The following ZNF503 variants were observed in gnomAD, a reference collection of about 807,000 sequenced individuals.
ZNF503 encodes NocA-like zinc finger 2.
In ZNF503, 15 loss-of-function variants were observed where a neutral mutation model predicts 34.4. That is an observed-to-expected ratio of 0.44 (90% CI 0.29 to 0.67). The LOEUF (loss-of-function observed/expected upper bound fraction) is 0.67. Among genes scored for constraint, ZNF503 ranks in the 30% least tolerant of loss-of-function variants. The pLI is 0.13. For missense variants in ZNF503, 1,007 were observed against 926.8 expected (o/e 1.09, Z -1.12); for synonymous variants, 580 against 456.8 (o/e 1.27, Z -3.44).
At chr10:75,358,466 A>C in the ZNF503 span, 1 of 152,208 alleles carries the variant, frequency 6.6e-6, no homozygotes, top group African/African-American at 2.4e-5. Context: ...GTGTATGTAC[A>C]TACAACACTT....
chr10:75,319,218 T>A, the ZNF503 span, among the ~76,000 whole-genome samples: 3 of 152,148 alleles, frequency 2.0e-5, no homozygotes, highest in Non-Finnish European at 4.4e-5. Context: ...CCTCCCAAAG[T>A]GCTGGGATTA....
chr10:75,382,460 G>A, the ZNF503 span: 3 of 564,372 alleles, frequency 5.3e-6, no homozygotes, highest in South Asian at 1.6e-5. Flanking sequence ...CTCTCTGGCT[G>A]TGTGTCCCCA....
the ZNF503 span, among the ~76,000 whole-genome samples, chr10:75,305,175 C>T: frequency 3.3e-5 from 5 of 152,018 alleles, no homozygotes; most frequent in African/African-American, 9.7e-5. Context: ...CTAAAGGTAG[C>T]GAATGATGTC....
the ZNF503 span, among the ~76,000 whole-genome samples, chr10:75,288,845 T>G: frequency 0.025 from 3,860 of 152,314 alleles, 149 homozygotes; most frequent in African/African-American, 0.086. Flanking sequence ...CTGCATGTGT[T>G]AATTTCCCCT....
chr10:75,400,936 T>C, intron 1 of ZNF503, 169 bp downstream of exon 1: 1 of 998,430 alleles, frequency 1.0e-6, no homozygotes, highest in Non-Finnish European at 1.5e-6. Flanking sequence ...TTCCACTTCC[T>C]CCCCCTTTTC....
At position 75,399,729 on chromosome 10, in the gene ZNF503, A is replaced by G. The variant is rs1157495158; in HGVS notation, c.961T>C (p.Ser321Pro). Residue 321 changes from serine (S) to proline (P), a missense_variant, in exon 2 of 2, where the codon TCC (serine) becomes CCC (proline). Ser to Pro is a moderately conservative substitution (Grantham distance 74, BLOSUM62 -1). Transcript: ENST00000372524. ...CGGSSGSSSG[S>P]GPSAPTSSSV... is the part of the protein sequence containing the mutation. Reference sequence around the variant, plus strand: ...GAGGAGGTGGGCGCGCTGGGGCCGGAGCCGGAGCTGGAGCCCGATGAACCG... The same window carrying G: ...GAGGAGGTGGGCGCGCTGGGGCCGGGGCCGGAGCTGGAGCCCGATGAACCG... The G allele has an allele frequency of 2.5e-6, 4 of 1,595,834 alleles. No individual in the cohort carries two copies. In the African/African-American group the frequency reaches 4.0e-5, roughly 16 times the overall value.
Position 75,399,180 on chromosome 10 carries a change from C to A in ZNF503, c.1510G>T (p.Gly504Cys). The change falls in exon 2 of 2, where the codon GGC (glycine) becomes TGC (cysteine). Residue 504 changes from glycine (G) to cysteine (C), a missense_variant. By Grantham distance (159) the Gly-to-Cys change is radical (BLOSUM62 -3). Transcript: ENST00000372524. ...SLAGHPLYPY[G>C]FMLPNDPLPH... ...AGTGGGTCGTTAGGGAGCATAAAGC[C>A]GTAGGGGTAGAGGGGGTGGCCGGCC... The A allele has an allele frequency of 6.2e-7, 1 of 1,609,754 alleles. No individual in the cohort carries two copies.
chr10:75,321,451 CAGA>C, the ZNF503 span, among the ~76,000 whole-genome samples: 1 of 152,124 alleles, frequency 6.6e-6, no homozygotes, highest in African/African-American at 2.4e-5. Flanking sequence ...TTGGAAGTCT[CAGA>C]AGGAGAAAGG....
chr10:75,330,300 T>G, the ZNF503 span, among the ~76,000 whole-genome samples: 2 of 152,216 alleles, frequency 1.3e-5, no homozygotes, highest in South Asian at 4.1e-4. Flanking sequence ...ATCAGGGAGA[T>G]TGGCTGAGAG....
the ZNF503 span, among the ~76,000 whole-genome samples, chr10:75,318,656 A>T: frequency 7.4e-6 from 1 of 135,866 alleles, no homozygotes; most frequent in East Asian, 2.2e-4. Context: ...GTGACACAGC[A>T]AGATCCTGTC....
chr10:75,401,438 GGA>G lies in ZNF503; in HGVS notation c.-21_-20del. 1 of 1,527,870 alleles carries G rather than the reference GGA, an allele frequency of 6.5e-7. No homozygotes were observed. The allele number at this position is 1,527,870 out of a possible 1,614,324, so 94.6% of individuals were successfully genotyped here. A position where few individuals can be genotyped will look rare whatever the true frequency, so the allele number is the denominator to read the frequency against. On this transcript the variant is annotated 5_prime_UTR_variant, in exon 1 of 2. Coordinates refer to ENST00000372524, the MANE Select transcript of ZNF503 (RefSeq NM_032772.6). ...TGCTCATGACCCACCCGCGCGCATG[GGA>G]GCAGCGGGGGGGAGGGCTCCGGGAG... is the stretch of plus-strand genomic sequence containing the variant.
chr10:75,393,753 G>T (rs1486418059), downstream of ZNF503, among the ~76,000 whole-genome samples: 3 of 152,050 alleles, frequency 2.0e-5, no homozygotes, highest in African/African-American at 7.2e-5. Flanking sequence ...TAGCTACTCA[G>T]GAGACTGAGG....
chr10:75,400,232 C>T lies in ZNF503; in HGVS notation c.458G>A (p.Gly153Asp). The T allele has an allele frequency of 1.2e-6, 2 of 1,610,450 alleles. No homozygotes were observed. Among genetic ancestry groups the T allele is most frequent in the Non-Finnish European group, 1.7e-6 (2 of 1,179,046 alleles). Residue 153 changes from glycine to aspartate, a missense_variant, in exon 2 of 2, where the codon GGC (glycine) becomes GAC (aspartate). By Grantham distance (94) the Gly-to-Asp change is moderately conservative. Coordinates refer to ENST00000372524, the MANE Select transcript of ZNF503 (RefSeq NM_032772.6). ...GGGGCCCGATTTGGTGTCCTTGTCG[C>T]CCGCAGCACCGCCGCCGGCACCGCC... ...GAGGAGGGAA[G>D]DKDTKSGPLK... is the part of the protein sequence containing the mutation.
chr10:75,369,649 C>T, the ZNF503 span, among the ~76,000 whole-genome samples: 5 of 152,202 alleles, frequency 3.3e-5, no homozygotes, highest in African/African-American at 1.2e-4. Flanking sequence ...CAGACAATTA[C>T]ACTTTTAGAT....
At chr10:75,302,864 T>C in the ZNF503 span, among the ~76,000 whole-genome samples, 1 of 152,142 alleles carries the variant, frequency 6.6e-6, no homozygotes, top group East Asian at 1.9e-4. Context: ...GGAGCTGGGG[T>C]TAGGGACATG....
the ZNF503 span, among the ~76,000 whole-genome samples, chr10:75,354,561 A>G: frequency 1.3e-5 from 2 of 152,066 alleles, no homozygotes; most frequent in South Asian, 2.1e-4. Context: ...AAATAAAAAA[A>G]AAAATTGGCT....
chr10:75,281,349 G>A, the ZNF503 span, among the ~76,000 whole-genome samples: 3 of 152,136 alleles, frequency 2.0e-5, no homozygotes, highest in Non-Finnish European at 4.4e-5. Context: ...TGGGGTAAAT[G>A]AGCGAGGCAG....
chr10:75,377,833 G>A, the ZNF503 span, among the ~76,000 whole-genome samples: 1 of 152,192 alleles, frequency 6.6e-6, no homozygotes, highest in Non-Finnish European at 1.5e-5. Flanking sequence ...CTAAGAGTGG[G>A]TAATGTATAA....
At chr10:75,283,065 A>T in the ZNF503 span, among the ~76,000 whole-genome samples, 1 of 152,246 alleles carries the variant, frequency 6.6e-6, no homozygotes, top group Admixed American at 6.5e-5. Context: ...AGAATTAATT[A>T]TGTGACTGCC....
Sources: gnomAD v4.1 joint callset for allele counts (sites outside exome capture counted in the v4.1 genomes callset) on GRCh38, gnomAD v4.1.1 for gene constraint, MANE v1.5 for transcripts, NCBI Gene and HGNC (gene_info 2026-07-23, HGNC 2026-07-21) for gene names.